GPLD1: variants seen among roughly 807,000 people sequenced by gnomAD.
The protein encoded by GPLD1 is glycosylphosphatidylinositol specific phospholipase D1.
Under a neutral mutation model 112.6 loss-of-function variants are expected in GPLD1, and 84 were observed. The observed-to-expected ratio is 0.75, with a 90% CI of 0.63 to 0.89. The LOEUF (loss-of-function observed/expected upper bound fraction) is 0.89, where lower values mean the gene tolerates loss of function less well. GPLD1 is among the 40% of genes least tolerant of loss of function. The pLI is 0.00. For synonymous variants in GPLD1, 386 were observed against 403.8 expected, an observed-to-expected ratio of 0.96 and a Z score of 0.53; for missense variants, 1,044 against 1,051.5, an observed-to-expected ratio of 0.99 and a Z score of 0.10.
rs757962070 is a variant in GPLD1, at chr6:24,489,542, C to T, written c.-31G>A. The T allele has an allele frequency of 3.3e-5, 54 of 1,613,404 alleles. No individual in the cohort carries two copies. The highest frequency in any genetic ancestry group is 1.7e-4 in the Middle Eastern group (1 of 6,052). On this transcript the variant is annotated 5_prime_UTR_variant, in exon 1 of 25. Transcript: ENST00000230036. ...CATTGCCCACCGGCTTCTCTGGTGA[C>T]GTGGGAATGCTCAGAGCTGCAGCAG...
chr6:24,475,882 CCACA>C (rs66807337), intron 4 of GPLD1, among the ~76,000 whole-genome samples: 1 of 150,888 alleles, frequency 6.6e-6, no homozygotes, highest in Non-Finnish European at 1.5e-5. Context: ...AGAAACAAAA[CCACA>C]CACACACACA....
Position 24,460,407 on chromosome 6 carries a change from A to C in GPLD1, c.888-8T>G. ...TTTTTCTGCATTTTTGAGCTGTTGA[A>C]GAGAAAGAGGAATAAACTGGTTACG... On this transcript the variant is annotated splice_polypyrimidine_tract_variant and splice_region_variant and intron_variant, in intron 11 of 24. Coordinates refer to ENST00000230036, the MANE Select transcript of GPLD1 (RefSeq NM_001503.4). 2 of 1,613,352 alleles carry C rather than the reference A, an allele frequency of 1.2e-6. No individual in the cohort carries two copies. Among genetic ancestry groups the C allele is most frequent in the Non-Finnish European group, 1.7e-6 (2 of 1,179,712 alleles).
chr6:24,484,579 A>C (rs1764311684), intron 2 of GPLD1, among the ~76,000 whole-genome samples: 1 of 152,222 alleles, frequency 6.6e-6, no homozygotes, highest in South Asian at 2.1e-4. Context: ...GTCTGTGTCC[A>C]TTTAACATGT....
At chr6:24,457,004 G>A (rs1030273634) in intron 12 of GPLD1, among the ~76,000 whole-genome samples, 2 of 152,150 alleles carry the variant, frequency 1.3e-5, no homozygotes, top group Non-Finnish European at 2.9e-5. Context: ...CCTAGTAGCT[G>A]GGATTACAGG....
intron 15 of GPLD1, among the ~76,000 whole-genome samples, chr6:24,448,596 T>C (rs182294262): frequency 6.6e-6 from 1 of 152,280 alleles, no homozygotes; most frequent in African/African-American, 2.4e-5. Context: ...ATGTCATTTA[T>C]ATCTTTGCCT....
At chr6:24,487,570 T>C (rs1364982347) in intron 1 of GPLD1, among the ~76,000 whole-genome samples, 2 of 152,240 alleles carry the variant, frequency 1.3e-5, no homozygotes, top group Non-Finnish European at 2.9e-5. Context: ...TTTCCATTTA[T>C]ATTTGTTCCT....
chr6:24,451,839 C>T (rs1050393827), intron 14 of GPLD1, among the ~76,000 whole-genome samples: 1 of 152,188 alleles, frequency 6.6e-6, no homozygotes, highest in Non-Finnish European at 1.5e-5. Flanking sequence ...CCTGGGGACA[C>T]AAAACACGCT....
rs62400471 is a variant in GPLD1, at chr6:24,472,586, G to A, written c.541C>T (p.Arg181Cys). Residue 181 changes from arginine (R) to cysteine (C), a missense_variant, in exon 7 of 25, where the codon CGC becomes TGC. Transcript: ENST00000230036. ...TTAGATGTACATTGCTCTTACCAGC[G>A]TCGTGCAAGGTAATTAAAATTAAAT... ...FEFNFNYLARRWYVPVKDLLG... is the reference protein window; with the variant it reads ...FEFNFNYLARCWYVPVKDLLG... 3.2e-4 allele frequency: 505 copies of A among 1,577,858 alleles called. 2 individuals are homozygous for A. The highest frequency in any genetic ancestry group is 2.0e-3 in the Middle Eastern group (12 of 5,998).
At chr6:24,459,068 G>C (rs1275374771) in intron 12 of GPLD1, among the ~76,000 whole-genome samples, 1 of 152,002 alleles carries the variant, frequency 6.6e-6, no homozygotes, top group African/African-American at 2.4e-5. Flanking sequence ...TCCTTGTCCT[G>C]TGCTCCAGGC....
chr6:24,456,776 C>A, intron 12 of GPLD1, 139 bp from the exon 13 acceptor site: 1 of 552,098 alleles, frequency 1.8e-6, no homozygotes, highest in Non-Finnish European at 3.2e-6. Context: ...AACATTAGGT[C>A]CTATCAGCAA....
At chr6:24,478,585 T>C (rs2760145) in intron 3 of GPLD1, among the ~76,000 whole-genome samples, 74,142 of 152,068 alleles carry the variant, frequency 0.49, 18,689 homozygotes, top group African/African-American at 0.59. Flanking sequence ...GCTTCGTGGC[T>C]CTCTGGCTTT....
intron 2 of GPLD1, among the ~76,000 whole-genome samples, chr6:24,484,793 T>G (rs914105093): frequency 1.8e-4 from 28 of 152,198 alleles, no homozygotes; most frequent in African/African-American, 6.5e-4. Flanking sequence ...CCTGTTAGGT[T>G]GGCAAGTGAG....
intron 3 of GPLD1, among the ~76,000 whole-genome samples, chr6:24,478,211 G>T (rs1320593740): frequency 6.6e-6 from 1 of 152,166 alleles, no homozygotes; most frequent in Non-Finnish European, 1.5e-5. Flanking sequence ...TACAGTTTGG[G>T]AAGTGCTAAA....
At chr6:24,481,385 A>G (rs549982589) in intron 2 of GPLD1, among the ~76,000 whole-genome samples, 1 of 150,254 alleles carries the variant, frequency 6.7e-6, no homozygotes, top group South Asian at 2.1e-4. Context: ...AATAATGTGG[A>G]CCATATATAG....
rs1201329746 is a variant in GPLD1, at chr6:24,452,870, CA to C, written c.1335+1144del. 1.1e-4 allele frequency among the ~76,000 whole-genome samples: 16 copies of C among 151,998 alleles called. No homozygotes were observed. The East Asian group carries it at 2.5e-3, about 24-fold the overall frequency. The stretch of plus-strand genomic sequence containing the variant: ...GAAAGGGTAAGTGCCTTGCCTGGAA[CA>C]AGAACCACGACGATCTGACTGGAAG... On this transcript the variant is annotated intron_variant, in intron 14 of 24. Coordinates refer to ENST00000230036, the MANE Select transcript of GPLD1 (RefSeq NM_001503.4).
intron 20 of GPLD1, among the ~76,000 whole-genome samples, chr6:24,441,146 T>TAAA (rs71542673): frequency 0.037 from 5,152 of 139,616 alleles, 90 homozygotes; most frequent in Middle Eastern, 0.083. Flanking sequence ...CTACTAAAAA[T>TAAA]AAAAAAAAAA....
chr6:24,468,797 C>T (rs1763704535), intron 7 of GPLD1, among the ~76,000 whole-genome samples: 1 of 152,156 alleles, frequency 6.6e-6, no homozygotes, highest in African/African-American at 2.4e-5. Context: ...TGGCCAACAG[C>T]CATTTCGCAT....
intron 7 of GPLD1, among the ~76,000 whole-genome samples, chr6:24,467,665 G>C (rs1364999776): frequency 6.6e-6 from 1 of 152,088 alleles, no homozygotes; most frequent in African/African-American, 2.4e-5. Flanking sequence ...AAGTTGAATT[G>C]AAAAGAATTA....
At chr6:24,477,249 C>T (rs1486152097) in intron 3 of GPLD1, among the ~76,000 whole-genome samples, 1 of 146,746 alleles carries the variant, frequency 6.8e-6, no homozygotes, top group Non-Finnish European at 1.5e-5. Context: ...AGCAGAAAGT[C>T]CCCCAGGACA....
Sources: gnomAD v4.1 joint callset for allele counts (sites outside exome capture counted in the v4.1 genomes callset) on GRCh38, gnomAD v4.1.1 for gene constraint, MANE v1.5 for transcripts, NCBI Gene and HGNC (gene_info 2026-07-23, HGNC 2026-07-21) for gene names.